The following PCDHA6 variants were observed in gnomAD, a reference collection of about 807,000 sequenced individuals.
PCDHA6 encodes protocadherin alpha-6.
PCDHA6 carries 55 observed loss-of-function variants against 60.3 expected under a neutral mutation model. The observed-to-expected ratio is 0.91, with a 90% CI of 0.73 to 1.14. The LOEUF is 1.14. Ranked by LOEUF, PCDHA6 falls within the 50% of genes most tolerant of loss-of-function variation. The pLI is 0.00. For missense variants in PCDHA6, 1,327 were observed against 1,256.5 expected (o/e 1.06, Z -0.85); for synonymous variants, 652 against 557.9 (o/e 1.17, Z -2.38).
intron 1 of PCDHA6, chr5:140,849,642 G>C (rs2150443693): frequency 3.8e-6 from 6 of 1,598,700 alleles, no homozygotes; most frequent in Admixed American, 3.4e-5. Flanking sequence ...AGATGCCAAC[G>C]GGCAGGTTAC....
intron 1 of PCDHA6, among the ~76,000 whole-genome samples, chr5:140,910,845 G>C (rs1448971238): frequency 6.6e-6 from 1 of 152,090 alleles, no homozygotes; most frequent in Non-Finnish European, 1.5e-5. Context: ...CAATGCCTTG[G>C]ATCTATGTTC....
chr5:140,867,131 T>C (rs769857763), intron 1 of PCDHA6: 1 of 152,188 alleles, frequency 6.6e-6, no homozygotes, highest in African/African-American at 2.4e-5. Context: ...TTCAAATATG[T>C]GATATTATCA....
rs557035841 is a variant in PCDHA6, at chr5:140,907,537, A to G, written c.2395-71412A>G. On this transcript the variant is annotated intron_variant, in intron 1 of 3. Coordinates refer to ENST00000529310, the MANE Select transcript of PCDHA6 (RefSeq NM_018909.4). ...GTGAGGACAAATCGCTGCCCTTTCT[A>G]TGATGGAAGAGGTCCAATATAATCA... 7.9e-5 allele frequency among the ~76,000 whole-genome samples: 12 copies of G among 152,370 alleles called. No homozygotes were observed. The South Asian group carries it at 1.2e-3, about 16-fold the overall frequency.
chr5:140,828,102 C>A lies in PCDHA6; in HGVS notation c.11C>A (p.Thr4Asn). The A allele has an allele frequency of 1.9e-6, 3 of 1,608,522 alleles. No individual in the cohort carries two copies. The highest frequency in any genetic ancestry group is 2.5e-6 in the Non-Finnish European group (3 of 1,176,730). MVFTPEDRLGKQCL... is the reference protein window; with the variant it reads MVFNPEDRLGKQCL... ...CCAGAGGTATTTGACATGGTGTTTA[C>A]CCCGGAGGATAGATTGGGAAAGCAA... The change falls in exon 1 of 4, where the codon ACC becomes AAC. Residue 4 changes from threonine (T) to asparagine (N), a missense_variant. Thr to Asn is a moderately conservative substitution (Grantham distance 65). Coordinates refer to ENST00000529310, the MANE Select transcript of PCDHA6 (RefSeq NM_018909.4).
At chr5:140,874,174 G>A (rs2054753797) in intron 1 of PCDHA6, among the ~76,000 whole-genome samples, 1 of 152,292 alleles carries the variant, frequency 6.6e-6, no homozygotes, top group East Asian at 1.9e-4. Context: ...CTTTCCTGGT[G>A]TTGTAAAGGT....
chr5:140,967,379 A>G (rs1554229509), intron 1 of PCDHA6: 2 of 1,608,268 alleles, frequency 1.2e-6, no homozygotes, highest in East Asian at 2.2e-5. Flanking sequence ...GGAGAACAGT[A>G]AAGTGCTTGA....
intron 1 of PCDHA6, among the ~76,000 whole-genome samples, chr5:140,886,084 G>C (rs1554182347): frequency 6.6e-6 from 1 of 152,140 alleles, no homozygotes; most frequent in East Asian, 1.9e-4. Flanking sequence ...CCACAACCTG[G>C]ATATTGACAT....
At chr5:141,004,412 A>G (rs2098165544) in intron 3 of PCDHA6, among the ~76,000 whole-genome samples, 1 of 152,164 alleles carries the variant, frequency 6.6e-6, no homozygotes, top group South Asian at 2.1e-4. Flanking sequence ...ACCTGACTAG[A>G]TCTCTGCCTC....
intron 1 of PCDHA6, among the ~76,000 whole-genome samples, chr5:140,872,206 T>A (rs2053543474): frequency 1.3e-5 from 2 of 152,340 alleles, no homozygotes; most frequent in Middle Eastern, 6.8e-3. Flanking sequence ...CATAAATTCA[T>A]TATATATGAA....
chr5:140,855,965 A>G (rs2043700176), intron 1 of PCDHA6: 1 of 1,417,586 alleles, frequency 7.1e-7, no homozygotes, highest in Non-Finnish European at 9.6e-7. Flanking sequence ...AAAAATAGAT[A>G]TAAGAAATAG....
chr5:140,990,148 A>T (rs1236453414), intron 3 of PCDHA6, among the ~76,000 whole-genome samples: 1 of 152,146 alleles, frequency 6.6e-6, no homozygotes, highest in African/African-American at 2.4e-5. Flanking sequence ...AGGCATAATA[A>T]TAGAAAGTTA....
chr5:140,863,231 C>T lies in PCDHA6; in HGVS notation c.2394+32746C>T, dbSNP rs189351986. On this transcript the variant is annotated intron_variant, in intron 1 of 3. Coordinates refer to ENST00000529310, the MANE Select transcript of PCDHA6 (RefSeq NM_018909.4). The stretch of plus-strand genomic sequence containing the variant: ...AGCAGCCAAGCGAGGAAGGTCCCAT[C>T]GCGGGCTTTGGCGGGCGTCGAGGTC... 2.5e-3 allele frequency: 3,078 copies of T among 1,227,642 alleles called. 13 individuals are homozygous for T. Among genetic ancestry groups the T allele is most frequent in the Middle Eastern group, 9.9e-3 (48 of 4,856 alleles). The allele number at this position is 1,227,642 out of a possible 1,614,324, so 76.0% of individuals were successfully genotyped here.
intron 3 of PCDHA6, among the ~76,000 whole-genome samples, chr5:141,005,795 C>G (rs2098239997): frequency 8.0e-6 from 1 of 124,778 alleles, no homozygotes; most frequent in Admixed American, 8.1e-5. Context: ...GAGGCAAAAA[C>G]AACTCCAAGG....
chr5:140,868,183 T>A (rs1286748964), intron 1 of PCDHA6: 2 of 152,160 alleles, frequency 1.3e-5, no homozygotes, highest in African/African-American at 4.8e-5. Flanking sequence ...TCTCATATTA[T>A]GCTACTATGG....
At chr5:140,843,774 A>T in intron 1 of PCDHA6, 1 of 1,457,980 alleles carries the variant, frequency 6.9e-7, no homozygotes. Context: ...TAGTTACTTT[A>T]AAAGTGTTTC....
In PCDHA6 at chr5:140,843,038, AC is replaced by A. The variant is rs1778505968; in HGVS notation, c.2394+12554del. On this transcript the variant is annotated intron_variant, in intron 1 of 3. Coordinates refer to ENST00000529310, the MANE Select transcript of PCDHA6 (RefSeq NM_018909.4). Reference sequence around the variant, plus strand: ...ACTGCTGGAGCCTCGGGTGGGTGGCACTGGTGGCGCAGCGAGCAAGCTGGTG... The same window carrying A: ...ACTGCTGGAGCCTCGGGTGGGTGGCATGGTGGCGCAGCGAGCAAGCTGGTG... 4.4e-6 allele frequency: 7 copies of A among 1,595,166 alleles called. 1 individual carries two copies. The highest frequency in any genetic ancestry group is 6.0e-6 in the Non-Finnish European group (7 of 1,165,358).
At chr5:140,986,005 C>G (rs912493095) in intron 3 of PCDHA6, among the ~76,000 whole-genome samples, 1 of 152,040 alleles carries the variant, frequency 6.6e-6, no homozygotes, top group African/African-American at 2.4e-5. Flanking sequence ...TCCCAAAGTG[C>G]TGGGATTACA....
At chr5:140,967,047 T>C in intron 1 of PCDHA6, 5 of 1,612,444 alleles carry the variant, frequency 3.1e-6, no homozygotes, top group Non-Finnish European at 4.2e-6. Flanking sequence ...GAGCTGGACC[T>C]GACGAGTGGA....
At chr5:140,871,415 T>C in intron 1 of PCDHA6, 1 of 1,613,926 alleles carries the variant, frequency 6.2e-7, no homozygotes, top group Non-Finnish European at 8.5e-7. Context: ...CTCATGGCCT[T>C]CAGCCCCAGT....
Sources: allele counts gnomAD v4.1 joint callset (sites outside exome capture counted in the v4.1 genomes callset), GRCh38; gene constraint gnomAD v4.1.1; transcripts MANE v1.5; gene names NCBI Gene and HGNC (gene_info 2026-07-23, HGNC 2026-07-21).